The following HEATR6 variants were observed in gnomAD, a reference collection of about 807,000 sequenced individuals.
The protein encoded by HEATR6 is HEAT repeat containing 6.
A neutral mutation model predicts 132.8 loss-of-function variants in HEATR6; 106 were observed. The observed-to-expected ratio is 0.80, with a 90% confidence interval of 0.68 to 0.94. The LOEUF is 0.94. Ranked by LOEUF, HEATR6 falls within the 40% of genes least tolerant of loss-of-function variation. The pLI is 0.00. For synonymous variants in HEATR6, 529 were observed against 537.8 expected (o/e 0.98, Z 0.23); for missense variants, 1,339 against 1,425.1 (o/e 0.94, Z 0.97).
Position 60,049,597 on chromosome 17 carries a change from A to G in HEATR6, c.2530T>C (p.Phe844Leu). ...ACTCTGACCTGTCTGAGACAGGGAAAAAGCACATAGACTCCCAGGGCCCGT... is the reference window on the plus strand; with the variant it reads ...ACTCTGACCTGTCTGAGACAGGGAAGAAGCACATAGACTCCCAGGGCCCGT... Reference protein sequence around the residue: ...TSRALGVYVLFPCLRQDVIFV... With the variant: ...TSRALGVYVLLPCLRQDVIFV... The change falls in exon 16 of 20, where the codon TTT becomes CTT. Residue 844 changes from phenylalanine to leucine, a missense_variant. Coordinates refer to ENST00000184956, the MANE Select transcript of HEATR6 (RefSeq NM_022070.5). 1 of 1,613,930 alleles carries G rather than the reference A, an allele frequency of 6.2e-7. No homozygotes were observed. The highest frequency in any genetic ancestry group is 2.2e-5 in the East Asian group (1 of 44,868).
Position 60,072,329 on chromosome 17 carries a change from A to T in HEATR6, c.585T>A (p.Ser195Arg). 6.4e-7 allele frequency: 1 copy of T among 1,569,590 alleles called. No individual in the cohort carries two copies. The highest frequency in any genetic ancestry group is 8.7e-7 in the Non-Finnish European group (1 of 1,143,790). ...CCTCCAAATACGGCTGTCCTGGCAC[A>T]CTAAACGCATACAGAGAAAACAACT... is the stretch of plus-strand genomic sequence containing the variant. The part of the protein sequence containing the change: ...AVHCMANLCL[S>R]VPGQPYLEEP... The change falls in exon 5 of 20, where the codon AGT becomes AGA. Residue 195 changes from serine (S) to arginine (R), a missense_variant and splice_region_variant. Transcript: ENST00000184956.
chr17:60,043,497 G>T lies in HEATR6; in HGVS notation c.*66C>A. The T allele has an allele frequency of 7.9e-7, 1 of 1,266,068 alleles. No individual in the cohort carries two copies. Among genetic ancestry groups the T allele is most frequent in the Non-Finnish European group, 1.1e-6 (1 of 895,064 alleles). 78.4% of individuals were successfully genotyped at this position (1,266,068 alleles called of 1,614,324 possible). On this transcript the variant is annotated 3_prime_UTR_variant, in exon 20 of 20. Transcript: ENST00000184956. ...TCTGCCCCTAAGATGAAATCCCACA[G>T]ATCTTATGCTCAAGCTCAGGTCTTC... is the stretch of plus-strand genomic sequence containing the variant.
intron 1 of HEATR6, among the ~76,000 whole-genome samples, chr17:60,077,705 C>T (rs1299892356): frequency 6.6e-6 from 1 of 151,970 alleles, no homozygotes; most frequent in Non-Finnish European, 1.5e-5. Flanking sequence ...TTTTTTTCCT[C>T]CTAAAGAAAA....
chr17:60,069,320 C>T (rs1236887328), intron 7 of HEATR6, among the ~76,000 whole-genome samples: 1 of 152,246 alleles, frequency 6.6e-6, no homozygotes, highest in Non-Finnish European at 1.5e-5. Flanking sequence ...CATTCATTTA[C>T]ATAGTGTCTA....
In HEATR6 at chr17:60,057,164, G is replaced by A. The variant is rs375151458; in HGVS notation, c.1963C>T (p.Arg655Ter). The change falls in exon 12 of 20, where the codon CGA becomes TGA. Residue 655 changes from arginine (R) to a stop codon, truncating the protein, a stop_gained. Transcript: ENST00000184956. LOFTEE classifies it high-confidence loss of function. ...AGTACGACAATGGAAATGCAGAGTC[G>A]AATGAGCCAGCAGGGCTCTGAAGAC... ...KGSSEPCWLIRLCISIVVLPK... is the reference protein window; with the variant it reads ...KGSSEPCWLI The A allele has an allele frequency of 2.4e-5, 39 of 1,614,024 alleles. No homozygotes were observed. The highest frequency in any genetic ancestry group is 4.5e-5 in the East Asian group (2 of 44,892).
intron 9 of HEATR6, chr17:60,064,305 T>TCAAA (rs60109778): frequency 0.15 from 23,902 of 164,374 alleles, 3,927 homozygotes; most frequent in African/African-American, 0.42. Context: ...AAACTCTGTC[T>TCAAA]CAAACAAACA....
At chr17:60,046,365 G>A in intron 18 of HEATR6, 136 bp from the exon 19 acceptor site, 4 of 600,594 alleles carry the variant, frequency 6.7e-6, no homozygotes, top group South Asian at 2.4e-5. Context: ...GGTCTGCTCT[G>A]GTTAACATCC....
rs768430132 is a variant in HEATR6, at chr17:60,046,238, A to T, written c.2770-9T>A. ...ACTGCATTGCTTTTTACCTAGAAAA[A>T]ATGTAAATGCTTTAGAAATCTGTTT... On this transcript the variant is annotated splice_polypyrimidine_tract_variant and intron_variant, in intron 18 of 19. Coordinates refer to ENST00000184956, the MANE Select transcript of HEATR6 (RefSeq NM_022070.5). 6.3e-7 allele frequency: 1 copy of T among 1,581,724 alleles called. No individual in the cohort carries two copies.
chr17:60,074,108 G>T, intron 2 of HEATR6: 1 of 1,248,462 alleles, frequency 8.0e-7, no homozygotes, highest in Non-Finnish European at 1.0e-6. Context: ...TAGTAAAGTA[G>T]AACTTGATGA....
At position 60,043,962 on chromosome 17, in the gene HEATR6, A is replaced by G. The variant is rs1388903926; in HGVS notation, c.3147T>C (p.Ala1049=). Residue 1049 remains alanine (A), a synonymous_variant, in exon 20 of 20, where the codon GCT becomes GCC. Transcript: ENST00000184956. Reference sequence around the variant, plus strand: ...CTATGGTGTCTTCACTCTTCTGTAAAGCGGTGACCAATGCATTCCAGATCC... The same window carrying G: ...CTATGGTGTCTTCACTCTTCTGTAAGGCGGTGACCAATGCATTCCAGATCC... ...YARIWNALVT[A]LQKSEDTIDF... The G allele has an allele frequency of 6.2e-7, 1 of 1,614,134 alleles. No homozygotes were observed. The highest frequency in any genetic ancestry group is 2.2e-5 in the East Asian group (1 of 44,880).
rs749974577 is a variant in HEATR6 at position 60,078,894 on chromosome 17, G to A, written c.21C>T (p.Val7=). The stretch of plus-strand genomic sequence containing the variant: ...GCGGCTGCACGGAAGGCCACGAACC[G>A]ACAACTTGCACAGCAGCCATCTTTT... MAAVQV[V]GSWPSVQPRE... is the part of the protein sequence containing the mutation. The change falls in exon 1 of 20, where the codon GTC becomes GTT. Residue 7 remains valine (V), a synonymous_variant. Coordinates refer to ENST00000184956, the MANE Select transcript of HEATR6 (RefSeq NM_022070.5). 18 of 1,286,836 alleles carry A rather than the reference G, an allele frequency of 1.4e-5. No individual in the cohort carries two copies. The highest frequency in any genetic ancestry group is 3.6e-5 in the African/African-American group (2 of 55,712). The allele number at this position is 1,286,836 out of a possible 1,614,324, so 79.7% of individuals were successfully genotyped here.
chr17:60,073,137 T>C (rs769303807), intron 4 of HEATR6, 27 bp downstream of exon 4: 2 of 1,342,332 alleles, frequency 1.5e-6, no homozygotes, highest in South Asian at 2.3e-5. Flanking sequence ...CTTATTACCA[T>C]TGAGAAACTT....
intron 2 of HEATR6, among the ~76,000 whole-genome samples, chr17:60,074,659 T>C (rs8067650): frequency 0.12 from 18,227 of 152,196 alleles, 1,617 homozygotes; most frequent in African/African-American, 0.25. Flanking sequence ...ACCTCTCCCA[T>C]GTGAGACCTA....
Position 60,043,859 on chromosome 17 carries a change from T to C in HEATR6, c.3250A>G (p.Ser1084Gly). Reference sequence around the variant, plus strand: ...TTCATACAAGGGAGGTCCGAGGCACTGGCCAAGCTCAAGAGGTGAATCAGT... The same window carrying C: ...TTCATACAAGGGAGGTCCGAGGCACCGGCCAAGCTCAAGAGGTGAATCAGT... ...QALIHLLSLA[S>G]ASDLPCMKET... Residue 1084 changes from serine (S) to glycine (G), a missense_variant, in exon 20 of 20, where the codon AGT becomes GGT. Ser to Gly is a moderately conservative substitution (Grantham distance 56). Coordinates refer to ENST00000184956, the MANE Select transcript of HEATR6 (RefSeq NM_022070.5). 3 of 1,614,240 alleles carry C rather than the reference T, an allele frequency of 1.9e-6. No homozygotes were observed. Among genetic ancestry groups the C allele is most frequent in the Non-Finnish European group, 2.5e-6 (3 of 1,180,046 alleles).
At chr17:60,066,180 T>C (rs1236357345) in intron 9 of HEATR6, 29 bp downstream of exon 9, 15 of 1,577,270 alleles carry the variant, frequency 9.5e-6, no homozygotes, top group Non-Finnish European at 1.2e-5. Context: ...TTCTTCCTAT[T>C]ATAAAGCTTA....
chr17:60,056,247 GAGCATGGAATT>G lies in HEATR6; in HGVS notation c.2080-21_2080-11del, dbSNP rs763935207. ...CCAGAAGAGTCAATACCTGCAAAGA[GAGCATGGAATT>G]AACCCTCTAAGACCTGAGTGCAAGG... On this transcript the variant is annotated splice_polypyrimidine_tract_variant and intron_variant, in intron 12 of 19. Coordinates refer to ENST00000184956, the MANE Select transcript of HEATR6 (RefSeq NM_022070.5). 77 of 1,612,276 alleles carry G rather than the reference GAGCATGGAATT, an allele frequency of 4.8e-5. 2 individuals are homozygous for G. In the South Asian group the frequency reaches 8.0e-4, roughly 17 times the overall value.
chr17:60,043,672 G>A lies in HEATR6; in HGVS notation c.3437C>T (p.Thr1146Ile). The A allele has an allele frequency of 6.2e-7, 1 of 1,614,158 alleles. No individual in the cohort carries two copies. Among genetic ancestry groups the A allele is most frequent in the Non-Finnish European group, 8.5e-7 (1 of 1,180,020 alleles). The stretch of plus-strand genomic sequence containing the variant: ...GATGGCCCTTCTGGCTGTGTCTCCA[G>A]TTGGTGCCTGGATGCTGCCCATGTG... ...LKHMGSIQAP[T>I]GDTARRAIMG... is the part of the protein sequence containing the mutation. Residue 1146 changes from threonine to isoleucine, a missense_variant, in exon 20 of 20, where the codon ACT becomes ATT. Coordinates refer to ENST00000184956, the MANE Select transcript of HEATR6 (RefSeq NM_022070.5).
rs1220040134 is a variant in HEATR6 at position 60,078,826 on chromosome 17, A to C, written c.89T>G (p.Phe30Cys). 1.9e-6 allele frequency: 3 copies of C among 1,605,586 alleles called. No individual in the cohort carries two copies. Among genetic ancestry groups the C allele is most frequent in the Non-Finnish European group, 2.5e-6 (3 of 1,177,158 alleles). Residue 30 changes from phenylalanine to cysteine, a missense_variant, in exon 1 of 20, where the codon TTT (phenylalanine) becomes TGT (cysteine). Phe to Cys is a radical substitution (Grantham distance 205). Coordinates refer to ENST00000184956, the MANE Select transcript of HEATR6 (RefSeq NM_022070.5). ...REAIPERGNG[F>C]RLLSARLCAL... ...GCAGAGCCTGGCAGACAAGAGGCGA[A>C]ACCCATTGCCTCGCTCAGGGATTGC... is the stretch of plus-strand genomic sequence containing the variant.
chr17:60,072,147 G>T, intron 5 of HEATR6, 68 bp downstream of exon 5: 2 of 684,518 alleles, frequency 2.9e-6, no homozygotes, highest in Non-Finnish European at 4.7e-6. Context: ...AAACTCGTTA[G>T]TAACACTTTT....
Sources: allele counts gnomAD v4.1 joint callset (sites outside exome capture counted in the v4.1 genomes callset), GRCh38; gene constraint gnomAD v4.1.1; transcripts MANE v1.5; gene names NCBI Gene and HGNC (gene_info 2026-07-23, HGNC 2026-07-21).